Variants in ZEB2 observed in about 807,000 individuals in gnomAD.
ZEB2 encodes zinc finger E-box binding homeobox 2.
ZEB2 carries 6 observed loss-of-function variants against 99.9 expected under a neutral mutation model. The observed-to-expected ratio is 0.06, with a 90% CI of 0.03 to 0.12. ZEB2 has a LOEUF of 0.12. Ranked by LOEUF, ZEB2 falls within the 10% of genes least tolerant of loss-of-function variation. ZEB2 has a pLI of 1.00. For synonymous variants in ZEB2, 517 were observed against 542.5 expected (o/e 0.95, Z 0.65); for missense variants, 969 against 1,502.8 (o/e 0.64, Z 5.87).
chr2:144,404,304 A>C (rs1703352549), intron 5 of ZEB2, among the ~76,000 whole-genome samples, 174 bp from the exon 6 acceptor site: 2 of 142,148 alleles, frequency 1.4e-5, no homozygotes, highest in South Asian at 4.5e-4. Flanking sequence ...TGCCCAGGAC[A>C]GACTTGTCGG....
chr2:144,469,975 C>T (rs1412904885), intron 2 of ZEB2, among the ~76,000 whole-genome samples: 2 of 152,272 alleles, frequency 1.3e-5, no homozygotes, highest in Non-Finnish European at 2.9e-5. Context: ...GATACAGAGA[C>T]CAAACCCTCT....
At position 144,403,997 on chromosome 2, in the gene ZEB2, G is replaced by A. The variant is rs929943753; in HGVS notation, c.726C>T (p.Ser242=). The change falls in exon 6 of 10, where the codon TCC becomes TCT. Residue 242 remains serine, a synonymous_variant. Coordinates refer to ENST00000627532, the MANE Select transcript of ZEB2 (RefSeq NM_014795.4). ...YRHEKNEENF[S]CPLCSYTFAY... is the part of the protein sequence containing the mutation. ...CAAACGTGTAGCTACAGAGAGGGCA[G>A]GAAAAGTTCTCTTCATTCTTCTCGT... 5.6e-6 allele frequency: 9 copies of A among 1,614,036 alleles called. No homozygotes were observed. The highest frequency in any genetic ancestry group is 1.6e-4 in the Middle Eastern group (1 of 6,084).
At chr2:144,495,775 T>C (rs1473827256) in intron 2 of ZEB2, 2 of 152,278 alleles carry the variant, frequency 1.3e-5, no homozygotes, top group Non-Finnish European at 2.9e-5. Context: ...ACTTGCACTC[T>C]ACAATTTGTC....
intron 4 of ZEB2, among the ~76,000 whole-genome samples, chr2:144,411,095 A>G (rs1454461913): frequency 9.5e-6 from 1 of 105,588 alleles, no homozygotes; most frequent in African/African-American, 3.2e-5. Context: ...ATATATATAT[A>G]TATATGTATA....
intron 2 of ZEB2, among the ~76,000 whole-genome samples, chr2:144,442,791 T>G (rs1703933569): frequency 6.6e-6 from 1 of 152,160 alleles, no homozygotes; most frequent in African/African-American, 2.4e-5. Flanking sequence ...ATTTTTGAAC[T>G]TACAACACTG....
intron 4 of ZEB2, among the ~76,000 whole-genome samples, chr2:144,417,781 G>A (rs1703560565): frequency 6.6e-6 from 1 of 152,136 alleles, no homozygotes; most frequent in Non-Finnish European, 1.5e-5. Context: ...TGTGACTGGA[G>A]CTCACAAAAA....
intron 2 of ZEB2, among the ~76,000 whole-genome samples, chr2:144,477,800 T>G (rs1001300461): frequency 6.6e-6 from 1 of 152,216 alleles, no homozygotes; most frequent in South Asian, 2.1e-4. Context: ...AGAGACTTAT[T>G]ACCTTACAAG....
chr2:144,512,906 A>C lies in ZEB2; in HGVS notation c.73+4372T>G, dbSNP rs186503940. ...TGGTACCTGCCACACAACCTGCCCC[A>C]GTGCTTTGAAAGTCAGCAAAACAGG... On this transcript the variant is annotated intron_variant, in intron 2 of 9. Coordinates refer to ENST00000627532, the MANE Select transcript of ZEB2 (RefSeq NM_014795.4). 61 of 1,287,262 alleles carry C rather than the reference A, an allele frequency of 4.7e-5. No individual in the cohort carries two copies. In the East Asian group the frequency reaches 2.9e-3, roughly 62 times the overall value. The allele number at this position is 1,287,262 out of a possible 1,614,324, so 79.7% of individuals were successfully genotyped here. A position where few individuals can be genotyped will look rare whatever the true frequency, so the allele number is the denominator to read the frequency against.
At chr2:144,474,412 T>C (rs1382720820) in intron 2 of ZEB2, among the ~76,000 whole-genome samples, 1 of 152,202 alleles carries the variant, frequency 6.6e-6, no homozygotes, top group East Asian at 1.9e-4. Flanking sequence ...TAATGACCAT[T>C]GCCCAAGTTT....
chr2:144,465,778 TATTC>T (rs2149906810), intron 2 of ZEB2, among the ~76,000 whole-genome samples: 1 of 152,266 alleles, frequency 6.6e-6, no homozygotes, highest in African/African-American at 2.4e-5. Flanking sequence ...AAAGGTAACT[TATTC>T]AGTGTCACTC....
At chr2:144,512,179 C>A in intron 2 of ZEB2, 2 of 1,287,184 alleles carry the variant, frequency 1.6e-6, no homozygotes, top group Non-Finnish European at 1.0e-6. Context: ...GCATTGCAAA[C>A]CTGCACTCCC....
intron 2 of ZEB2, among the ~76,000 whole-genome samples, chr2:144,488,140 A>G (rs1472705526): frequency 6.6e-6 from 1 of 152,224 alleles, no homozygotes; most frequent in Non-Finnish European, 1.5e-5. Context: ...TCCACAGCAT[A>G]CCAATCAATG....
At chr2:144,444,076 A>G (rs549288759) in intron 2 of ZEB2, among the ~76,000 whole-genome samples, 110 of 152,322 alleles carry the variant, frequency 7.2e-4, no homozygotes, top group Non-Finnish European at 1.3e-3. Flanking sequence ...TCTTTTTGGT[A>G]GCTTCATCCA....
In ZEB2 at chr2:144,497,417, A is replaced by G. The variant is rs554624889; in HGVS notation, c.73+19861T>C. 4.6e-5 allele frequency among the ~76,000 whole-genome samples: 7 copies of G among 152,290 alleles called. No homozygotes were observed. In the South Asian group the frequency reaches 1.2e-3, roughly 27 times the overall value. ...GTAGGTGTGTAATTAATGCAAAATG[A>G]ACAAACACTGTAGTTTTCTGCTGAC... On this transcript the variant is annotated intron_variant, in intron 2 of 9. Transcript: ENST00000627532.
intron 1 of ZEB2, 38 bp downstream of exon 1, chr2:144,519,901 G>C: frequency 2.3e-6 from 1 of 430,562 alleles, no homozygotes; most frequent in South Asian, 1.7e-5. Flanking sequence ...CACCAAAAAG[G>C]GATAAAAAGA....
intron 2 of ZEB2, among the ~76,000 whole-genome samples, chr2:144,492,080 G>A (rs1460550953): frequency 1.3e-5 from 2 of 152,170 alleles, no homozygotes; most frequent in African/African-American, 2.4e-5. Flanking sequence ...GGGGAGAAGA[G>A]AGATCTGAGA....
At chr2:144,407,337 G>A (rs1050411592) in intron 4 of ZEB2, among the ~76,000 whole-genome samples, 4 of 152,194 alleles carry the variant, frequency 2.6e-5, no homozygotes, top group African/African-American at 9.7e-5. Flanking sequence ...GCTTAAATCT[G>A]TTATTAGCTG....
chr2:144,494,151 CAAAAAAAAAA>C (rs34945974), intron 2 of ZEB2: 1 of 57,888 alleles, frequency 1.7e-5, no homozygotes, highest in Non-Finnish European at 2.9e-5. Context: ...GACTCCGTCT[CAAAAAAAAAA>C]AAAAAAAAAA....
At chr2:144,480,192 T>TA (rs1285171626) in intron 2 of ZEB2, among the ~76,000 whole-genome samples, 2 of 152,176 alleles carry the variant, frequency 1.3e-5, no homozygotes, top group Non-Finnish European at 2.9e-5. Context: ...TGGCTCCCCA[T>TA]AAAAACTTTT....
Sources: allele counts gnomAD v4.1 joint callset (sites outside exome capture counted in the v4.1 genomes callset), GRCh38; gene constraint gnomAD v4.1.1; transcripts MANE v1.5; gene names NCBI Gene and HGNC (gene_info 2026-07-23, HGNC 2026-07-21).